The following DPYD variants were observed in gnomAD, a reference collection of about 807,000 sequenced individuals.
DPYD encodes dihydropyrimidine dehydrogenase [NADP(+)].
A neutral mutation model predicts 116.2 loss-of-function variants in DPYD; 109 were observed. The ratio of observed to expected loss-of-function variants is 0.94; its 90% CI spans 0.80 to 1.10. The LOEUF (loss-of-function observed/expected upper bound fraction) is 1.10, where lower values mean the gene tolerates loss of function less well. DPYD is among the 50% of genes least tolerant of loss of function. The pLI is 0.00. For synonymous variants in DPYD, 440 were observed against 432.0 expected, an observed-to-expected ratio of 1.02 and a Z score of -0.23; for missense variants, 1,302 against 1,254.5, an observed-to-expected ratio of 1.04 and a Z score of -0.57.
intron 2 of DPYD, among the ~76,000 whole-genome samples, chr1:97,838,369 G>A (rs1669871831): frequency 6.6e-6 from 1 of 152,134 alleles, no homozygotes; most frequent in South Asian, 2.1e-4. Flanking sequence ...GGTATTCAAA[G>A]ACAAGTGAAA....
chr1:97,174,535 T>C (rs867992003), intron 20 of DPYD, among the ~76,000 whole-genome samples: 1 of 152,228 alleles, frequency 6.6e-6, no homozygotes, highest in Non-Finnish European at 1.5e-5. Context: ...CCATTCATTT[T>C]CTTTAAGCTG....
chr1:97,308,410 T>C (rs2101047851), intron 16 of DPYD: 1 of 151,950 alleles, frequency 6.6e-6, no homozygotes, highest in Admixed American at 6.6e-5. Context: ...TGCTGACTAA[T>C]CATCACAGCC....
chr1:97,122,099 C>G (rs1570494786), intron 20 of DPYD, among the ~76,000 whole-genome samples: 1 of 152,242 alleles, frequency 6.6e-6, no homozygotes, highest in East Asian at 1.9e-4. Context: ...AATGAGAATG[C>G]TGTTAAGGGA....
At chr1:97,192,960 G>A (rs1658483974) in intron 20 of DPYD, 109 bp downstream of exon 20, 3 of 1,241,238 alleles carry the variant, frequency 2.4e-6, no homozygotes, top group Non-Finnish European at 3.5e-6. Context: ...ATCACATCCA[G>A]GAGGCACTGT....
chr1:97,471,966 G>A (rs371920043), intron 13 of DPYD, among the ~76,000 whole-genome samples: 26 of 152,106 alleles, frequency 1.7e-4, no homozygotes, highest in East Asian at 1.2e-3. Flanking sequence ...AGTGGAAAAT[G>A]TAAAAAAAGA....
intron 20 of DPYD, among the ~76,000 whole-genome samples, chr1:97,172,667 T>G (rs893751916): frequency 2.6e-5 from 4 of 152,134 alleles, no homozygotes; most frequent in African/African-American, 9.7e-5. Flanking sequence ...AAAGCGAAAC[T>G]CACAAAGATT....
intron 12 of DPYD, among the ~76,000 whole-genome samples, chr1:97,540,403 C>G (rs1650357515): frequency 6.6e-6 from 1 of 151,818 alleles, no homozygotes; most frequent in Admixed American, 6.6e-5. Context: ...AAAAACCAAA[C>G]TTTTACTAGT....
chr1:97,303,070 CCTCA>C (rs373290718), intron 18 of DPYD, among the ~76,000 whole-genome samples: 107 of 152,040 alleles, frequency 7.0e-4, no homozygotes, highest in African/African-American at 2.5e-3. Context: ...ACTCCAGGTG[CCTCA>C]CTATTTCCGT....
chr1:97,213,873 C>T (rs181036957), intron 19 of DPYD, among the ~76,000 whole-genome samples: 115 of 152,206 alleles, frequency 7.6e-4, no homozygotes, highest in African/African-American at 2.6e-3. Context: ...AATGGAGAAA[C>T]GGCAAAAGGA....
intron 20 of DPYD, among the ~76,000 whole-genome samples, chr1:97,148,962 T>C (rs570313299): frequency 3.9e-5 from 6 of 152,346 alleles, no homozygotes; most frequent in Admixed American, 3.3e-4. Context: ...TTTTGTACGC[T>C]TTGGGCTTGA....
At chr1:97,481,011 A>C (rs1458668878) in intron 13 of DPYD, among the ~76,000 whole-genome samples, 1 of 152,152 alleles carries the variant, frequency 6.6e-6, no homozygotes, top group Non-Finnish European at 1.5e-5. Flanking sequence ...AATTATAAAA[A>C]GCTGAAAGAC....
chr1:97,308,448 G>A (rs1163367825), intron 16 of DPYD: 3 of 151,666 alleles, frequency 2.0e-5, no homozygotes, highest in Admixed American at 6.6e-5. Flanking sequence ...GGCTACCTGA[G>A]AATTTTAAAA....
At chr1:97,313,179 A>G (rs945776547) in intron 16 of DPYD, among the ~76,000 whole-genome samples, 2 of 151,928 alleles carry the variant, frequency 1.3e-5, no homozygotes, top group African/African-American at 4.8e-5. Flanking sequence ...GCAGAACCTG[A>G]CACATAGTAG....
intron 14 of DPYD, among the ~76,000 whole-genome samples, chr1:97,406,775 T>A (rs1243764545): frequency 7.9e-5 from 12 of 152,188 alleles, no homozygotes; most frequent in Admixed American, 3.3e-4. Flanking sequence ...TCATAGCATG[T>A]CTGGTATTGA....
At chr1:97,149,817 A>G (rs1317600721) in intron 20 of DPYD, among the ~76,000 whole-genome samples, 1 of 152,194 alleles carries the variant, frequency 6.6e-6, no homozygotes, top group Admixed American at 6.5e-5. Flanking sequence ...CCACCTCATA[A>G]TGATGTCTGT....
chr1:97,173,337 T>C (rs563999254), intron 20 of DPYD, among the ~76,000 whole-genome samples: 102 of 144,954 alleles, frequency 7.0e-4, no homozygotes, highest in Non-Finnish European at 1.8e-4. Flanking sequence ...CATATATGTG[T>C]ATATATGCAC....
intron 16 of DPYD, among the ~76,000 whole-genome samples, chr1:97,371,946 A>G (rs1369846839): frequency 6.6e-6 from 1 of 152,186 alleles, no homozygotes; most frequent in East Asian, 1.9e-4. Flanking sequence ...GCAAAGTTTT[A>G]GCATTTGGCA....
At chr1:97,183,874 T>C (rs750089142) in intron 20 of DPYD, among the ~76,000 whole-genome samples, 1 of 152,048 alleles carries the variant, frequency 6.6e-6, no homozygotes, top group Non-Finnish European at 1.5e-5. Context: ...GTATTAAGCA[T>C]AGTGCCCAGT....
intron 20 of DPYD, among the ~76,000 whole-genome samples, chr1:97,135,393 T>C (rs1319038351): frequency 6.6e-6 from 1 of 152,220 alleles, no homozygotes; most frequent in East Asian, 1.9e-4. Flanking sequence ...ATGAGAGCTA[T>C]AAAACTCATG....
Sources: gnomAD v4.1 joint callset for allele counts (sites outside exome capture counted in the v4.1 genomes callset) on GRCh38, gnomAD v4.1.1 for gene constraint, MANE v1.5 for transcripts, NCBI Gene and HGNC (gene_info 2026-07-23, HGNC 2026-07-21) for gene names.